The following CRISPLD2 variants were observed in gnomAD, a reference collection of about 807,000 sequenced individuals.
CRISPLD2 encodes cysteine-rich secretory protein LCCL domain-containing 2.
Under a neutral mutation model 71.1 loss-of-function variants are expected in CRISPLD2, and 47 were observed. The observed-to-expected ratio is 0.66, with a 90% CI of 0.52 to 0.84. The LOEUF (loss-of-function observed/expected upper bound fraction) is 0.84. Among genes scored for constraint, CRISPLD2 ranks in the 40% least tolerant of loss-of-function variants. The pLI is 0.00. For missense variants in CRISPLD2, 830 were observed against 651.1 expected, an observed-to-expected ratio of 1.27 and a Z score of -2.99; for synonymous variants, 317 against 250.1, an observed-to-expected ratio of 1.27 and a Z score of -2.52.
rs568068824 is a variant in CRISPLD2, at chr16:84,884,746, G to A, written c.1305+4162G>A. Among the ~76,000 whole-genome samples the A allele has an allele frequency of 2.6e-5, 4 of 152,334 alleles. No individual in the cohort carries two copies. In the South Asian group the frequency reaches 8.3e-4, roughly 32 times the overall value. Reference sequence around the variant, plus strand: ...GCCATGGGTGTGAGCTTTTCGTACTGACGCCCTGCAGCTTGATGTTATCAC... The same window carrying A: ...GCCATGGGTGTGAGCTTTTCGTACTAACGCCCTGCAGCTTGATGTTATCAC... On this transcript the variant is annotated intron_variant, in intron 13 of 14. Transcript: ENST00000262424.
intron 2 of CRISPLD2, chr16:84,841,886 C>A (rs1278562144): frequency 1.3e-5 from 2 of 152,520 alleles, no homozygotes; most frequent in Non-Finnish European, 2.9e-5. Context: ...TGAGCCACTG[C>A]GCCTGGCTGT....
chr16:84,888,813 C>G (rs1354600563), intron 13 of CRISPLD2, among the ~76,000 whole-genome samples: 1 of 152,200 alleles, frequency 6.6e-6, no homozygotes, highest in Non-Finnish European at 1.5e-5. Flanking sequence ...AGCAGTTCCC[C>G]CTGATGAAAC....
intron 12 of CRISPLD2, 34 bp downstream of exon 12, chr16:84,877,544 G>C: frequency 6.3e-7 from 1 of 1,598,468 alleles, no homozygotes; most frequent in Non-Finnish European, 8.6e-7. Context: ...CTTTTCTATG[G>C]AAGATGTTAG....
chr16:84,898,934 G>A (rs2071729787), intron 14 of CRISPLD2, among the ~76,000 whole-genome samples: 1 of 152,126 alleles, frequency 6.6e-6, no homozygotes, highest in Non-Finnish European at 1.5e-5. Flanking sequence ...TGTACTCCTG[G>A]GCTCACTGCA....
chr16:84,889,470 G>T, intron 14 of CRISPLD2, 107 bp downstream of exon 14: 1 of 1,228,400 alleles, frequency 8.1e-7, no homozygotes, highest in Non-Finnish European at 1.1e-6. Context: ...TAAAACTCGG[G>T]TAGACTTGCA....
intron 14 of CRISPLD2, among the ~76,000 whole-genome samples, chr16:84,891,276 T>G (rs1201495440): frequency 2.6e-5 from 4 of 152,218 alleles, no homozygotes; most frequent in South Asian, 4.1e-4. Context: ...CAGGCCTTCC[T>G]GCCTCCTGGG....
chr16:84,906,801 C>G lies in CRISPLD2; in HGVS notation c.*159C>G. The stretch of plus-strand genomic sequence containing the variant: ...GTGGCCTGTGGGTGAGGTGACATCT[C>G]ATCCCCTCACTGAAGCAACAGCATC... On this transcript the variant is annotated 3_prime_UTR_variant, in exon 15 of 15. Transcript: ENST00000262424. 1 of 822,036 alleles carries G rather than the reference C, an allele frequency of 1.2e-6. No homozygotes were observed. The highest frequency in any genetic ancestry group is 2.6e-5 in the East Asian group (1 of 37,798). The allele number at this position is 822,036 out of a possible 1,614,324, so 50.9% of individuals were successfully genotyped here. A position where few individuals can be genotyped will look rare whatever the true frequency, so the allele number is the denominator to read the frequency against.
chr16:84,849,100 T>C (rs1917000469), intron 3 of CRISPLD2: 2 of 337,826 alleles, frequency 5.9e-6, no homozygotes, highest in Non-Finnish European at 5.7e-6. Context: ...GGTGAGCTCC[T>C]CAAGGATAAT....
intron 7 of CRISPLD2, among the ~76,000 whole-genome samples, chr16:84,868,415 C>A (rs1917600835): frequency 6.6e-6 from 1 of 152,204 alleles, no homozygotes; most frequent in African/African-American, 2.4e-5. Flanking sequence ...TCGGGTGAGC[C>A]TGGCTGGGTC....
At chr16:84,870,105 G>T (rs1386572525) in intron 8 of CRISPLD2, among the ~76,000 whole-genome samples, 3 of 152,144 alleles carry the variant, frequency 2.0e-5, no homozygotes, top group Non-Finnish European at 4.4e-5. Context: ...TCTGTTCATG[G>T]TGCTTTTACA....
rs554297919 is a variant in CRISPLD2, at chr16:84,854,612, TC to T, written c.609-111del. 8.5e-4 allele frequency: 630 copies of T among 738,378 alleles called. 3 individuals are homozygous for T. Among genetic ancestry groups the T allele is most frequent in the Middle Eastern group, 4.6e-3 (13 of 2,854 alleles). The allele number at this position is 738,378 out of a possible 1,614,324, so 45.7% of individuals were successfully genotyped here. On this transcript the variant is annotated intron_variant, in intron 5 of 14. Coordinates refer to ENST00000262424, the MANE Select transcript of CRISPLD2 (RefSeq NM_031476.4). The stretch of plus-strand genomic sequence containing the variant: ...TCCCGCTTCCCACAGCACACAACCT[TC>T]CCCCCTGACCTGTCAGTGGCGGTGT...
intron 3 of CRISPLD2, among the ~76,000 whole-genome samples, chr16:84,848,567 G>C (rs900084726): frequency 2.0e-5 from 3 of 152,084 alleles, no homozygotes; most frequent in Non-Finnish European, 4.4e-5. Flanking sequence ...GGTGCAGCTG[G>C]TGGCTGCAGA....
intron 6 of CRISPLD2, among the ~76,000 whole-genome samples, chr16:84,866,457 A>C (rs942133080): frequency 6.6e-6 from 1 of 152,122 alleles, no homozygotes; most frequent in Non-Finnish European, 1.5e-5. Flanking sequence ...GCTGGTGTCA[A>C]ACTCCTGACC....
chr16:84,835,878 C>A (rs74033553), intron 1 of CRISPLD2, among the ~76,000 whole-genome samples: 110 of 152,326 alleles, frequency 7.2e-4, no homozygotes, highest in African/African-American at 2.6e-3. Flanking sequence ...CATTTAAAAA[C>A]AGCATTTGAC....
intron 8 of CRISPLD2, 86 bp downstream of exon 8, chr16:84,868,997 G>A: frequency 8.5e-7 from 1 of 1,178,894 alleles, no homozygotes; most frequent in Non-Finnish European, 1.2e-6. Context: ...GGCCTATGCT[G>A]GGCTGTCCTG....
At chr16:84,855,763 C>G (rs1917222209) in intron 6 of CRISPLD2, among the ~76,000 whole-genome samples, 1 of 152,172 alleles carries the variant, frequency 6.6e-6, no homozygotes, top group Admixed American at 6.5e-5. Context: ...CAAATAAAGA[C>G]AATAATAAGA....
chr16:84,887,395 C>T (rs1476500124), intron 13 of CRISPLD2, among the ~76,000 whole-genome samples: 1 of 152,218 alleles, frequency 6.6e-6, no homozygotes, highest in African/African-American at 2.4e-5. Context: ...GCCGTGACAT[C>T]ACTCGGTTGT....
chr16:84,904,796 T>C (rs1035005984), intron 14 of CRISPLD2, among the ~76,000 whole-genome samples: 1 of 152,152 alleles, frequency 6.6e-6, no homozygotes, highest in Non-Finnish European at 1.5e-5. Flanking sequence ...TCACACTATA[T>C]ATAAAAATTA....
intron 2 of CRISPLD2, among the ~76,000 whole-genome samples, chr16:84,844,681 T>G (rs528518334): frequency 2.8e-4 from 42 of 152,216 alleles, no homozygotes; most frequent in African/African-American, 8.7e-4. Context: ...GCACTTTCTA[T>G]CTTCCAACTG....
Sources: gnomAD v4.1 joint callset for allele counts (sites outside exome capture counted in the v4.1 genomes callset) on GRCh38, gnomAD v4.1.1 for gene constraint, MANE v1.5 for transcripts, NCBI Gene and HGNC (gene_info 2026-07-23, HGNC 2026-07-21) for gene names.